MECOM: variants seen among roughly 807,000 people sequenced by gnomAD.
The protein encoded by MECOM is histone-lysine N-methyltransferase MECOM.
A neutral mutation model predicts 116.3 loss-of-function variants in MECOM; 13 were observed. That is an observed-to-expected ratio of 0.11 (90% CI 0.07 to 0.18). The LOEUF is 0.18. Among genes scored for constraint, MECOM ranks in the 10% least tolerant of loss-of-function variants. The pLI is 1.00. For synonymous variants in MECOM, 528 were observed against 535.2 expected, an observed-to-expected ratio of 0.99 and a Z score of 0.19; for missense variants, 1,299 against 1,509.0, an observed-to-expected ratio of 0.86 and a Z score of 2.31.
At chr3:169,109,113 C>T (rs4092655) in intron 9 of MECOM, among the ~76,000 whole-genome samples, 9,688 of 152,184 alleles carry the variant, frequency 0.064, 1,040 homozygotes, top group African/African-American at 0.22. Flanking sequence ...TAGGAACAAA[C>T]GAAATGGACA....
At chr3:169,185,236 T>A (rs371156998) in intron 2 of MECOM, among the ~76,000 whole-genome samples, 16 of 152,078 alleles carry the variant, frequency 1.1e-4, no homozygotes, top group African/African-American at 3.6e-4. Context: ...ATGAAGGTGC[T>A]GAAGTGTGGA....
chr3:169,311,446 A>T (rs1178946722), intron 2 of MECOM, among the ~76,000 whole-genome samples: 2 of 152,210 alleles, frequency 1.3e-5, no homozygotes, highest in Non-Finnish European at 2.9e-5. Flanking sequence ...TACCTATCTA[A>T]GCAAAATCAA....
intron 2 of MECOM, among the ~76,000 whole-genome samples, chr3:169,147,905 A>G (rs925358566): frequency 1.3e-5 from 2 of 151,924 alleles, no homozygotes; most frequent in African/African-American, 4.8e-5. Flanking sequence ...GATAAAGCTT[A>G]GGGTATAGGG....
intron 2 of MECOM, among the ~76,000 whole-genome samples, chr3:169,176,266 A>G (rs1469888457): frequency 1.3e-5 from 2 of 152,154 alleles, no homozygotes; most frequent in African/African-American, 4.8e-5. Context: ...AGGATCTTAC[A>G]CAGGGGAAGG....
chr3:169,662,801 C>T (rs1776480631), intron 1 of MECOM, among the ~76,000 whole-genome samples: 1 of 152,060 alleles, frequency 6.6e-6, no homozygotes, highest in South Asian at 2.1e-4. Flanking sequence ...CACTGTGGCT[C>T]CCTCTGAGCC....
Position 169,583,711 on chromosome 3 carries a change from C to T in MECOM, c.37+79625G>A, listed in dbSNP as rs554343303. 1.3e-3 allele frequency among the ~76,000 whole-genome samples: 192 copies of T among 151,320 alleles called. No individual in the cohort carries two copies. In the Middle Eastern group the frequency reaches 0.014, roughly 11 times the overall value. On this transcript the variant is annotated intron_variant, in intron 1 of 16. Transcript: ENST00000651503. ...CTGTGTCACCCAGATTGGATGCAAA[C>T]AGAACTCACTACAGCCTCTACCTCC...
intron 1 of MECOM, among the ~76,000 whole-genome samples, chr3:169,425,106 C>CG (rs909034460): frequency 6.6e-6 from 1 of 150,672 alleles, no homozygotes; most frequent in Admixed American, 6.6e-5. Context: ...GAAACCCCCC[C>CG]CCACTTGCAT....
intron 2 of MECOM, among the ~76,000 whole-genome samples, chr3:169,256,852 GTAA>G (rs1390765470): frequency 6.6e-6 from 1 of 152,192 alleles, no homozygotes; most frequent in East Asian, 1.9e-4. Flanking sequence ...GCCAACAGCT[GTAA>G]TTTCCCAGGG....
intron 2 of MECOM, among the ~76,000 whole-genome samples, chr3:169,204,765 GAA>G (rs1749675888): frequency 1.3e-5 from 2 of 151,996 alleles, no homozygotes; most frequent in African/African-American, 4.8e-5. Context: ...CAAATGGAAA[GAA>G]AAAAAGAGTT....
chr3:169,459,672 C>G (rs1560300633), intron 1 of MECOM, among the ~76,000 whole-genome samples: 1 of 152,192 alleles, frequency 6.6e-6, no homozygotes, highest in Non-Finnish European at 1.5e-5. Flanking sequence ...TGTATTCCCC[C>G]TTCCCCCTCA....
chr3:169,553,274 C>T (rs943746853), intron 1 of MECOM, among the ~76,000 whole-genome samples: 3 of 151,980 alleles, frequency 2.0e-5, no homozygotes, highest in Admixed American at 1.3e-4. Flanking sequence ...AAGGGGGGTT[C>T]TGTTCATTTT....
At chr3:169,199,884 T>C (rs1238357834) in intron 2 of MECOM, among the ~76,000 whole-genome samples, 1 of 152,104 alleles carries the variant, frequency 6.6e-6, no homozygotes, top group Admixed American at 6.6e-5. Flanking sequence ...GGAAACTGTA[T>C]ACTTTAAATA....
At chr3:169,494,806 A>G (rs1753618115) in intron 1 of MECOM, among the ~76,000 whole-genome samples, 1 of 152,234 alleles carries the variant, frequency 6.6e-6, no homozygotes, top group South Asian at 2.1e-4. Context: ...CACTGCCTTC[A>G]TGAGAAGAAA....
At chr3:169,233,224 G>C (rs980560555) in intron 2 of MECOM, among the ~76,000 whole-genome samples, 1 of 152,104 alleles carries the variant, frequency 6.6e-6, no homozygotes. Flanking sequence ...ACATGGTGCT[G>C]TACCAACACC....
chr3:169,278,190 T>C (rs1314592482), intron 2 of MECOM, among the ~76,000 whole-genome samples: 1 of 152,188 alleles, frequency 6.6e-6, no homozygotes, highest in African/African-American at 2.4e-5. Context: ...AGAAATTCTC[T>C]CTTATTTCTC....
In MECOM at chr3:169,394,287, T is replaced by G. The variant is rs551893116; in HGVS notation, c.38-12763A>C. 5.9e-5 allele frequency among the ~76,000 whole-genome samples: 9 copies of G among 152,300 alleles called. No homozygotes were observed. In the South Asian group the frequency reaches 1.7e-3, roughly 28 times the overall value. Reference sequence around the variant, plus strand: ...AAAAGAATAAAGTGAAATTGCTGATTTCAAAGGACTTACAATCTTGTTGGG... The same window carrying G: ...AAAAGAATAAAGTGAAATTGCTGATGTCAAAGGACTTACAATCTTGTTGGG... On this transcript the variant is annotated intron_variant, in intron 1 of 16. Coordinates refer to ENST00000651503, the MANE Select transcript of MECOM (RefSeq NM_004991.4).
intron 1 of MECOM, among the ~76,000 whole-genome samples, chr3:169,504,691 T>A (rs1222075441): frequency 6.6e-6 from 1 of 152,138 alleles, no homozygotes; most frequent in African/African-American, 2.4e-5. Context: ...TATCAAAGGA[T>A]AGCAATGACA....
chr3:169,517,947 A>G (rs761262361), intron 1 of MECOM, among the ~76,000 whole-genome samples: 1 of 152,250 alleles, frequency 6.6e-6, no homozygotes, highest in Non-Finnish European at 1.5e-5. Flanking sequence ...TAGCTATTTA[A>G]TTAAAATTAT....
At chr3:169,663,267 C>A (rs1577354924) in intron 1 of MECOM, 69 bp downstream of exon 1, 2 of 1,543,540 alleles carry the variant, frequency 1.3e-6, no homozygotes, top group African/African-American at 1.4e-5. Flanking sequence ...CCTCCCGGAG[C>A]GCTAGAGACA....
Sources: gnomAD v4.1 joint callset for allele counts (sites outside exome capture counted in the v4.1 genomes callset) on GRCh38, gnomAD v4.1.1 for gene constraint, MANE v1.5 for transcripts, NCBI Gene and HGNC (gene_info 2026-07-23, HGNC 2026-07-21) for gene names.